SLC12A8: variants seen among roughly 807,000 people sequenced by gnomAD.
SLC12A8 encodes the protein solute carrier family 12 member 8.
SLC12A8 carries 69 observed loss-of-function variants against 75.6 expected under a neutral mutation model. The ratio of observed to expected loss-of-function variants is 0.91; its 90% CI spans 0.75 to 1.11. The LOEUF (loss-of-function observed/expected upper bound fraction) is 1.11, where lower values mean the gene tolerates loss of function less well. Ranked by LOEUF, SLC12A8 falls within the 50% of genes most tolerant of loss-of-function variation. The pLI, the probability that SLC12A8 is intolerant of heterozygous loss-of-function variation, is 0.00. For missense variants in SLC12A8, 877 were observed against 896.7 expected, an observed-to-expected ratio of 0.98 and a Z score of 0.28; for synonymous variants, 365 against 372.8, an observed-to-expected ratio of 0.98 and a Z score of 0.24.
intron 4 of SLC12A8, among the ~76,000 whole-genome samples, chr3:125,181,784 T>TAA (rs11369894): frequency 3.3e-5 from 5 of 150,398 alleles, no homozygotes; most frequent in South Asian, 4.2e-4. Context: ...GCTGATCTTT[T>TAA]AAAAAAAAAT....
chr3:125,185,938 G>C lies in SLC12A8; in HGVS notation c.390+1299C>G, dbSNP rs558820709. Among the ~76,000 whole-genome samples, 7 of 152,334 alleles carry C rather than the reference G, an allele frequency of 4.6e-5. No individual in the cohort carries two copies. In the South Asian group the frequency reaches 1.4e-3, roughly 32 times the overall value. On this transcript the variant is annotated intron_variant, in intron 4 of 13. Coordinates refer to ENST00000469902, the MANE Select transcript of SLC12A8 (RefSeq NM_024628.6). ...CTCAGGCCGTGGCTGCCAGCACTTA[G>C]AAAACATCTTATCTGTGAACATCTT...
intron 2 of SLC12A8, among the ~76,000 whole-genome samples, chr3:125,207,958 T>C (rs1205096761): frequency 1.3e-5 from 2 of 152,130 alleles, no homozygotes; most frequent in African/African-American, 4.8e-5. Flanking sequence ...TCCTTTAATC[T>C]CATAAAAACC....
At chr3:125,148,605 C>G (rs943461141) in intron 5 of SLC12A8, among the ~76,000 whole-genome samples, 1 of 152,166 alleles carries the variant, frequency 6.6e-6, no homozygotes, top group African/African-American at 2.4e-5. Flanking sequence ...CGGCACTCTC[C>G]TGCCAGCTCC....
intron 5 of SLC12A8, among the ~76,000 whole-genome samples, chr3:125,167,404 C>G (rs996561334): frequency 6.6e-6 from 1 of 152,164 alleles, no homozygotes; most frequent in African/African-American, 2.4e-5. Flanking sequence ...TTTCAGCCTC[C>G]CAAAGTGCTG....
intron 2 of SLC12A8, among the ~76,000 whole-genome samples, chr3:125,194,363 T>G (rs1934965688): frequency 6.6e-6 from 1 of 151,358 alleles, no homozygotes; most frequent in Non-Finnish European, 1.5e-5. Flanking sequence ...CATGACTGCC[T>G]GGTGGGTGTT....
chr3:125,087,183 C>T (rs1293514742), intron 13 of SLC12A8, among the ~76,000 whole-genome samples: 1 of 151,250 alleles, frequency 6.6e-6, no homozygotes, highest in Non-Finnish European at 1.5e-5. Context: ...TAACCTCTGC[C>T]TCTCGGGTTC....
intron 10 of SLC12A8, among the ~76,000 whole-genome samples, chr3:125,096,836 T>C (rs1318647036): frequency 1.7e-5 from 2 of 117,400 alleles, no homozygotes; most frequent in Non-Finnish European, 3.9e-5. Flanking sequence ...TTAAATTGGT[T>C]ATTTGTTTAG....
chr3:125,176,369 C>T (rs914441685), intron 5 of SLC12A8, among the ~76,000 whole-genome samples: 6 of 152,122 alleles, frequency 3.9e-5, no homozygotes, highest in Non-Finnish European at 5.9e-5. Context: ...CTGTGCCTGG[C>T]CTGGTTTTTT....
intron 8 of SLC12A8, among the ~76,000 whole-genome samples, chr3:125,116,909 A>C (rs1407390771): frequency 6.6e-6 from 1 of 152,226 alleles, no homozygotes; most frequent in Non-Finnish European, 1.5e-5. Flanking sequence ...ACTAGAGAAC[A>C]GGCCCTTGGG....
At chr3:125,166,013 C>T (rs1214776820) in intron 5 of SLC12A8, among the ~76,000 whole-genome samples, 5 of 152,208 alleles carry the variant, frequency 3.3e-5, no homozygotes, top group African/African-American at 9.7e-5. Context: ...AATGCCTCTT[C>T]TGGTAAATTA....
intron 2 of SLC12A8, among the ~76,000 whole-genome samples, chr3:125,205,899 G>A (rs757272885): frequency 3.0e-4 from 46 of 152,156 alleles, no homozygotes; most frequent in South Asian, 1.0e-3. Context: ...TCCCAGAATT[G>A]AGCCCTGCTC....
At chr3:125,119,455 C>G (rs1932993641) in intron 7 of SLC12A8, among the ~76,000 whole-genome samples, 1 of 152,242 alleles carries the variant, frequency 6.6e-6, no homozygotes, top group Non-Finnish European at 1.5e-5. Context: ...AGGCCTGGCT[C>G]TGTCCCCAAG....
intron 2 of SLC12A8, among the ~76,000 whole-genome samples, chr3:125,197,444 A>G (rs1360606775): frequency 6.6e-6 from 1 of 152,058 alleles, no homozygotes; most frequent in African/African-American, 2.4e-5. Context: ...GGTATGCATC[A>G]CCATGCCCAG....
At chr3:125,110,961 G>C (rs146801975) in intron 8 of SLC12A8, among the ~76,000 whole-genome samples, 2 of 152,196 alleles carry the variant, frequency 1.3e-5, no homozygotes, top group African/African-American at 4.8e-5. Flanking sequence ...CTGTCTGTAG[G>C]AAGCCTCTGT....
chr3:125,184,061 C>T (rs1260931612), intron 4 of SLC12A8, among the ~76,000 whole-genome samples: 1 of 152,046 alleles, frequency 6.6e-6, no homozygotes, highest in Admixed American at 6.5e-5. Flanking sequence ...CAACCTCTGC[C>T]TCCCAGGTTC....
intron 3 of SLC12A8, 104 bp downstream of exon 3, chr3:125,190,271 T>C: frequency 7.9e-7 from 1 of 1,260,258 alleles, no homozygotes; most frequent in Non-Finnish European, 1.1e-6. Flanking sequence ...TTCAGGAGCA[T>C]CTGTGCTTCA....
chr3:125,120,966 G>A, intron 6 of SLC12A8: 1 of 669,240 alleles, frequency 1.5e-6, no homozygotes, highest in Non-Finnish European at 2.7e-6. Flanking sequence ...GCAACCAGGG[G>A]GGAGGAAAGC....
At chr3:125,179,138 C>T (rs1560077541) in intron 4 of SLC12A8, among the ~76,000 whole-genome samples, 1 of 152,180 alleles carries the variant, frequency 6.6e-6, no homozygotes, top group Non-Finnish European at 1.5e-5. Flanking sequence ...TCTCTGGGAA[C>T]AAATTCTATT....
intron 10 of SLC12A8, among the ~76,000 whole-genome samples, chr3:125,092,574 C>G (rs1375406447): frequency 1.3e-5 from 2 of 152,204 alleles, no homozygotes; most frequent in Non-Finnish European, 2.9e-5. Flanking sequence ...ACTGCTAGGG[C>G]AGGTTGGCTT....
Sources: allele counts gnomAD v4.1 joint callset (sites outside exome capture counted in the v4.1 genomes callset), GRCh38; gene constraint gnomAD v4.1.1; transcripts MANE v1.5; gene names NCBI Gene and HGNC (gene_info 2026-07-23, HGNC 2026-07-21).